Variants in ABTB2 observed in about 807,000 individuals in gnomAD.
ABTB2 encodes ankyrin repeat and BTB/POZ domain-containing protein 2.
Under a neutral mutation model 104.1 loss-of-function variants are expected in ABTB2, and 56 were observed. The observed-to-expected ratio is 0.54, with a 90% confidence interval of 0.43 to 0.67. The LOEUF is 0.67. Ranked by LOEUF, ABTB2 falls within the 30% of genes least tolerant of loss-of-function variation. ABTB2 has a pLI of 0.00. For missense variants in ABTB2, 1,279 were observed against 1,407.7 expected (o/e 0.91, Z 1.46); for synonymous variants, 606 against 608.2 (o/e 1.00, Z 0.05).
chr11:34,298,101 A>T (rs2420519), intron 1 of ABTB2, among the ~76,000 whole-genome samples: 36,451 of 144,154 alleles, frequency 0.25, 4,618 homozygotes, highest in South Asian at 0.38. Context: ...TTTTTTTTTT[A>T]AATAAATTAC....
chr11:34,263,187 G>T (rs1854208963), intron 1 of ABTB2, among the ~76,000 whole-genome samples: 1 of 152,040 alleles, frequency 6.6e-6, no homozygotes, highest in Non-Finnish European at 1.5e-5. Flanking sequence ...GGTGGGGGTT[G>T]GGGGGACACA....
chr11:34,209,041 C>A (rs1328712285), intron 1 of ABTB2, among the ~76,000 whole-genome samples: 2 of 152,180 alleles, frequency 1.3e-5, no homozygotes, highest in African/African-American at 4.8e-5. Context: ...ATCTAACTAT[C>A]CTTTAAGAAT....
At chr11:34,283,517 G>T (rs1015473456) in intron 1 of ABTB2, among the ~76,000 whole-genome samples, 1 of 152,134 alleles carries the variant, frequency 6.6e-6, no homozygotes, top group African/African-American at 2.4e-5. Context: ...CACCCAGCCT[G>T]TAAAAAAGTC....
At chr11:34,198,820 G>A (rs1384710075) in intron 2 of ABTB2, among the ~76,000 whole-genome samples, 1 of 152,236 alleles carries the variant, frequency 6.6e-6, no homozygotes, top group Non-Finnish European at 1.5e-5. Flanking sequence ...GGCACCTGCA[G>A]GCACCTCCGC....
chr11:34,167,924 A>G lies in ABTB2; in HGVS notation c.1632T>C (p.Ala544=), dbSNP rs1852823129. 6.2e-7 allele frequency: 1 copy of G among 1,614,158 alleles called. No homozygotes were observed. The highest frequency in any genetic ancestry group is 1.3e-5 in the African/African-American group (1 of 74,964). ...DEAMVQMLID[A]GANLDIQVPS... ...TCACCTGGATGTCCAAGTTTGCCCC[A>G]GCATCAATCAACATCTGGACCATCG... The change falls in exon 6 of 17, where the codon GCT becomes GCC. Residue 544 remains alanine, a synonymous_variant. Transcript: ENST00000435224.
Position 34,171,222 on chromosome 11 carries a change from C to T in ABTB2, c.1398-151G>A, listed in dbSNP as rs180733905. The T allele has an allele frequency of 1.3e-4, 99 of 785,722 alleles. 2 individuals carry two copies. The East Asian group carries it at 2.7e-3, about 22-fold the overall frequency. 48.7% of individuals were successfully genotyped at this position (785,722 alleles called of 1,614,324 possible). A position where few individuals can be genotyped will look rare whatever the true frequency, so the allele number is the denominator to read the frequency against. ...TATGATCAGATCAGCAATTACTGTC[C>T]CCATCATGTTCTGTCATATGAAGAG... is the stretch of plus-strand genomic sequence containing the variant. On this transcript the variant is annotated intron_variant, in intron 4 of 16. Transcript: ENST00000435224.
intron 1 of ABTB2, among the ~76,000 whole-genome samples, chr11:34,287,571 G>A (rs900772120): frequency 1.3e-5 from 2 of 152,144 alleles, no homozygotes; most frequent in African/African-American, 4.8e-5. Flanking sequence ...TCTTTATATG[G>A]CTGGGGCAAT....
At position 34,270,417 on chromosome 11, in the gene ABTB2, G is replaced by GCA. The variant is rs545888820; in HGVS notation, c.884-65729_884-65728dup. ...TGCAGTGTCACGATCTCGGCTCGCT[G>GCA]CAACCTCCGCCTGCTGGGTTCAAAC... On this transcript the variant is annotated intron_variant, in intron 1 of 16. Transcript: ENST00000435224. Among the ~76,000 whole-genome samples, 469 of 150,020 alleles carry GCA rather than the reference G, an allele frequency of 3.1e-3. 1 individual carries two copies. Among genetic ancestry groups the GCA allele is most frequent in the Non-Finnish European group, 4.4e-3 (298 of 67,756 alleles).
intron 1 of ABTB2, among the ~76,000 whole-genome samples, chr11:34,229,134 A>G (rs75483172): frequency 2.8e-5 from 4 of 144,376 alleles, no homozygotes; most frequent in East Asian, 2.1e-4. Flanking sequence ...AAAAAAAAAA[A>G]AGAGAAAAAA....
chr11:34,164,823 T>C lies in ABTB2; in HGVS notation c.1853-2A>G. ...ACAAACTGACCAGCTCATAGTTCCC[T>C]GAAAGAGAAGGTGGGCAGCACGGAG... is the stretch of plus-strand genomic sequence containing the variant. On this transcript the variant is annotated splice_acceptor_variant, in intron 8 of 16. Transcript: ENST00000435224. LOFTEE classifies it high-confidence loss of function. 6.3e-7 allele frequency: 1 copy of C among 1,586,792 alleles called. No individual in the cohort carries two copies. Among genetic ancestry groups the C allele is most frequent in the East Asian group, 2.3e-5 (1 of 42,714 alleles).
intron 2 of ABTB2, among the ~76,000 whole-genome samples, chr11:34,198,513 T>A (rs927428481): frequency 1.3e-5 from 2 of 151,892 alleles, no homozygotes; most frequent in Non-Finnish European, 2.9e-5. Context: ...CATATATTCA[T>A]TCTCCTGGCC....
At chr11:34,317,994 G>A (rs1043358116) in intron 1 of ABTB2, among the ~76,000 whole-genome samples, 29 of 131,372 alleles carry the variant, frequency 2.2e-4, no homozygotes, top group Non-Finnish European at 3.4e-4. Flanking sequence ...ACATAGCCTC[G>A]CTCTGTCACC....
At chr11:34,197,847 C>G (rs578014315) in intron 2 of ABTB2, among the ~76,000 whole-genome samples, 3 of 152,216 alleles carry the variant, frequency 2.0e-5, no homozygotes, top group Non-Finnish European at 4.4e-5. Context: ...TCATGGGCCT[C>G]TCCCCAGATC....
chr11:34,351,759 A>G (rs78579322), intron 1 of ABTB2, among the ~76,000 whole-genome samples: 1 of 152,268 alleles, frequency 6.6e-6, no homozygotes, highest in African/African-American at 2.4e-5. Flanking sequence ...TGGGAGAGAC[A>G]CACACAAGCA....
intron 1 of ABTB2, among the ~76,000 whole-genome samples, chr11:34,284,470 G>T (rs1049937418): frequency 6.6e-6 from 1 of 152,214 alleles, no homozygotes; most frequent in Non-Finnish European, 1.5e-5. Flanking sequence ...GAAAAGGCAG[G>T]CAGCACCAAA....
At chr11:34,273,318 A>G (rs888913014) in intron 1 of ABTB2, among the ~76,000 whole-genome samples, 39 of 152,134 alleles carry the variant, frequency 2.6e-4, no homozygotes, top group Admixed American at 3.3e-4. Context: ...AACCCATGTT[A>G]CAATTTTGAG....
chr11:34,299,784 G>A (rs1854677150), intron 1 of ABTB2, among the ~76,000 whole-genome samples: 2 of 152,164 alleles, frequency 1.3e-5, no homozygotes, highest in African/African-American at 4.8e-5. Context: ...AGAAATAAGA[G>A]GGCTACAAAG....
chr11:34,155,047 G>A (rs1440773982), intron 14 of ABTB2, among the ~76,000 whole-genome samples: 1 of 152,224 alleles, frequency 6.6e-6, no homozygotes, highest in African/African-American at 2.4e-5. Flanking sequence ...GTGAGCCCAG[G>A]AGGGAAGTTC....
intron 3 of ABTB2, among the ~76,000 whole-genome samples, chr11:34,190,275 A>C (rs1448401964): frequency 1.3e-5 from 2 of 149,860 alleles, no homozygotes. Flanking sequence ...GCCCCCCCAA[A>C]AAAAAAAAAA....
Sources: gnomAD v4.1 joint callset for allele counts (sites outside exome capture counted in the v4.1 genomes callset) on GRCh38, gnomAD v4.1.1 for gene constraint, MANE v1.5 for transcripts, NCBI Gene and HGNC (gene_info 2026-07-23, HGNC 2026-07-21) for gene names.